The following CYP27C1 variants were observed in gnomAD, a reference collection of about 807,000 sequenced individuals.
The protein encoded by CYP27C1 is cytochrome P450 27C1.
In CYP27C1, 29 loss-of-function variants were observed where a neutral mutation model predicts 40.6. The observed-to-expected ratio is 0.71, with a 90% confidence interval of 0.53 to 0.97. CYP27C1 has a LOEUF of 0.97. Ranked by LOEUF, CYP27C1 falls within the 50% of genes least tolerant of loss-of-function variation. The pLI, the probability that CYP27C1 is intolerant of heterozygous loss-of-function variation, is 0.00. For missense variants in CYP27C1, 390 were observed against 485.8 expected (o/e 0.80, Z 1.85); for synonymous variants, 198 against 186.8 (o/e 1.06, Z -0.49).
chr2:127,204,850 C>T (rs539351383), intron 2 of CYP27C1, among the ~76,000 whole-genome samples: 1 of 152,264 alleles, frequency 6.6e-6, no homozygotes, highest in South Asian at 2.1e-4. Context: ...CAAGTGCCCA[C>T]GAGCGTCACC....
Position 127,220,034 on chromosome 2 carries a change from C to G in CYP27C1, c.237G>C (p.Ala79=), listed in dbSNP as rs1029226366. 6.6e-6 allele frequency: 1 copy of G among 151,978 alleles called. No individual in the cohort carries two copies. The highest frequency in any genetic ancestry group is 1.5e-5 in the Non-Finnish European group (1 of 67,944). The allele number at this position is 151,978 out of a possible 1,614,324, so 9.4% of individuals were successfully genotyped here. Reference sequence around the variant, plus strand: ...TGAAGCCGTCCCTGCAGAAGAACTCCGCCAGGTTGGCGAGGGTCCTCGGCC... The same window carrying G: ...TGAAGCCGTCCCTGCAGAAGAACTCGGCCAGGTTGGCGAGGGTCCTCGGCC... ...MPGPRTLANL[A]EFFCRDGFSR... Residue 79 remains alanine (A), a synonymous_variant, in exon 1 of 9, where the codon GCG becomes GCC. Transcript: ENST00000664447. This position sits in a 1 kb window ranked among gnomAD's most constrained non-coding sequence, Gnocchi z 4.6.
chr2:127,207,505 C>CAT (rs1454120099), intron 1 of CYP27C1, among the ~76,000 whole-genome samples: 6 of 151,792 alleles, frequency 4.0e-5, no homozygotes, highest in Non-Finnish European at 5.9e-5. Context: ...TCAAAAAATA[C>CAT]ATATATATAC....
At chr2:127,188,282 C>T (rs1001798195) in intron 8 of CYP27C1, among the ~76,000 whole-genome samples, 1 of 152,212 alleles carries the variant, frequency 6.6e-6, no homozygotes, top group Admixed American at 6.5e-5. Flanking sequence ...GCTGGGGCTC[C>T]AGGCTGGGAC....
intron 4 of CYP27C1, 60 bp from the exon 5 acceptor site, chr2:127,199,599 T>C: frequency 6.6e-7 from 1 of 1,512,344 alleles, no homozygotes; most frequent in Non-Finnish European, 8.9e-7. Context: ...CTTTTCAGTC[T>C]CAAAGCCCTC....
In CYP27C1 at chr2:127,195,460, C is replaced by T; in HGVS notation, c.1089G>A (p.Arg363=). 6.2e-7 allele frequency: 1 copy of T among 1,614,028 alleles called. No individual in the cohort carries two copies. Among genetic ancestry groups the T allele is most frequent in the Non-Finnish European group, 8.5e-7 (1 of 1,179,984 alleles). ...ACACCGTCTGCTGCACTTCTGGGTG[C>T]CTTGCCAGGAGGTACACAGTCCAAG... The part of the protein sequence containing the change: ...TLSWTVYLLA[R]HPEVQQTVYR... The change falls in exon 6 of 9, where the codon AGG becomes AGA. Residue 363 remains arginine (R), a synonymous_variant. Coordinates refer to ENST00000664447, the MANE Select transcript of CYP27C1 (RefSeq NM_001367502.1). This position sits in a 1 kb window ranked among gnomAD's most constrained non-coding sequence, Gnocchi z 6.2.
At position 127,200,130 on chromosome 2, in the gene CYP27C1, C is replaced by A. The variant is rs1338632324; in HGVS notation, c.884-591G>T. Among the ~76,000 whole-genome samples the A allele has an allele frequency of 6.6e-6, 1 of 152,228 alleles. No individual in the cohort carries two copies. Among genetic ancestry groups the A allele is most frequent in the Non-Finnish European group, 1.5e-5 (1 of 68,052 alleles). On this transcript the variant is annotated intron_variant, in intron 4 of 8. Transcript: ENST00000664447. The surrounding 1 kb of genome is among the most constrained non-coding windows in gnomAD (Gnocchi z 4.2). Reference sequence around the variant, plus strand: ...AAGTAGCTGGAATTACAGGCACGCGCCACCACGCCCAGCTAATTTTTGTAT... The same window carrying A: ...AAGTAGCTGGAATTACAGGCACGCGACACCACGCCCAGCTAATTTTTGTAT...
intron 3 of CYP27C1, among the ~76,000 whole-genome samples, chr2:127,202,198 C>T (rs1370694159): frequency 6.6e-6 from 1 of 150,392 alleles, no homozygotes; most frequent in African/African-American, 2.4e-5. Flanking sequence ...GGTCTTGGCT[C>T]ACTGCAACCT....
In CYP27C1 at chr2:127,209,142, A is replaced by C. The variant is rs1388825842; in HGVS notation, c.283-3052T>G. 6.6e-6 allele frequency among the ~76,000 whole-genome samples: 1 copy of C among 152,202 alleles called. No individual in the cohort carries two copies. The highest frequency in any genetic ancestry group is 1.5e-5 in the Non-Finnish European group (1 of 68,032). ...CCTTGAGGTCAGAGGTCCCAGAAGA[A>C]GGAGCAGGCACCCATCATTGCTGCA... is the stretch of plus-strand genomic sequence containing the variant. On this transcript the variant is annotated intron_variant, in intron 1 of 8. Transcript: ENST00000664447. This position sits in a 1 kb window ranked among gnomAD's most constrained non-coding sequence, Gnocchi z 4.1.
intron 5 of CYP27C1, among the ~76,000 whole-genome samples, chr2:127,197,875 C>A (rs1285564874): frequency 2.6e-5 from 4 of 151,812 alleles, no homozygotes; most frequent in Non-Finnish European, 5.9e-5. Context: ...CCCCCCGGAC[C>A]ATGCCACCCC....
chr2:127,204,534 A>AG (rs1558931256), intron 2 of CYP27C1, among the ~76,000 whole-genome samples: 1,893 of 42,872 alleles, frequency 0.044, 245 homozygotes, highest in East Asian at 0.069. Flanking sequence ...AGAAAGAAAG[A>AG]AAGAGAGAGA....
rs1332126585 is a variant in CYP27C1 at position 127,195,632 on chromosome 2, C to T, written c.1048-131G>A. The T allele has an allele frequency of 2.6e-6, 2 of 765,440 alleles. No individual in the cohort carries two copies. The highest frequency in any genetic ancestry group is 3.5e-5 in the African/African-American group (2 of 56,706). 47.4% of individuals were successfully genotyped at this position (765,440 alleles called of 1,614,324 possible). ...GTCAAACTCATCCAATTCCATATAGCACCTAATGTCTTACTAAAAACGAAA... is the reference window on the plus strand; with the variant it reads ...GTCAAACTCATCCAATTCCATATAGTACCTAATGTCTTACTAAAAACGAAA... On this transcript the variant is annotated intron_variant, in intron 5 of 8. Transcript: ENST00000664447. The surrounding 1 kb of genome is among the most constrained non-coding windows in gnomAD (Gnocchi z 6.2).
rs755582900 is a variant in CYP27C1, at chr2:127,187,308, C to A, written c.1577G>T (p.Gly526Val). The A allele has an allele frequency of 3.7e-6, 6 of 1,614,168 alleles. No homozygotes were observed. The Admixed American group carries it at 8.3e-5, about 22-fold the overall frequency. Residue 526 changes from glycine (G) to valine (V), a missense_variant, in exon 9 of 9, where the codon GGG becomes GTG. Physicochemically the swap from Gly to Val is moderately radical, Grantham distance 109. Coordinates refer to ENST00000664447, the MANE Select transcript of CYP27C1 (RefSeq NM_001367502.1). Reference protein sequence around the residue: ...HAKTHGLLTPGGPIHVRFVNR... With the variant: ...HAKTHGLLTPVGPIHVRFVNR... The stretch of plus-strand genomic sequence containing the variant: ...AACAAATCGCACGTGGATGGGCCCC[C>A]CTGGCGTCAGGAGCCCGTGGGTTTT...
At position 127,199,462 on chromosome 2, in the gene CYP27C1, G is replaced by A. The variant is rs768961332; in HGVS notation, c.961C>T (p.Leu321Phe). ...GCCTGGCTAAGGAAGAGGTATGTGA[G>A]AAGTCCCCCGCTCACCCTCCGGCCT... ...DRGRRVSGGLLTYLFLSQALT... is the reference protein window; with the variant it reads ...DRGRRVSGGLFTYLFLSQALT... The change falls in exon 5 of 9, where the codon CTC (leucine) becomes TTC (phenylalanine). Residue 321 changes from leucine to phenylalanine, a missense_variant. Coordinates refer to ENST00000664447, the MANE Select transcript of CYP27C1 (RefSeq NM_001367502.1). The A allele has an allele frequency of 6.2e-7, 1 of 1,614,222 alleles. No homozygotes were observed. Among genetic ancestry groups the A allele is most frequent in the Non-Finnish European group, 8.5e-7 (1 of 1,180,050 alleles).
rs1683485780 is a variant in CYP27C1, at chr2:127,218,473, G to A, written c.282+1516C>T. On this transcript the variant is annotated intron_variant, in intron 1 of 8. Transcript: ENST00000664447. This position sits in a 1 kb window ranked among gnomAD's most constrained non-coding sequence, Gnocchi z 6.0. ...CTCTAAGCATTGGGGTGGGGGTGGC[G>A]GTTTGGAACTGTATAGGGTTGGCGT... 6.6e-6 allele frequency among the ~76,000 whole-genome samples: 1 copy of A among 152,068 alleles called. No homozygotes were observed. Among genetic ancestry groups the A allele is most frequent in the Non-Finnish European group, 1.5e-5 (1 of 68,010 alleles).
intron 3 of CYP27C1, among the ~76,000 whole-genome samples, chr2:127,202,228 G>A (rs928043116): frequency 6.6e-6 from 1 of 151,714 alleles, no homozygotes; most frequent in South Asian, 2.1e-4. Context: ...TAGTTCAAGC[G>A]ATTCTCCTGC....
In CYP27C1 at chr2:127,201,242, G is replaced by T; in HGVS notation, c.763C>A (p.Leu255Ile). Residue 255 changes from leucine to isoleucine, a missense_variant, in exon 4 of 9, where the codon CTC (leucine) becomes ATC (isoleucine). Coordinates refer to ENST00000664447, the MANE Select transcript of CYP27C1 (RefSeq NM_001367502.1). This position sits in a 1 kb window ranked among gnomAD's most constrained non-coding sequence, Gnocchi z 6.0. ...GAGGTCTTGAACATGCTAAACATGA[G>T]CTCCAGGGCCTCGATGTATTCCACA... ...LTVEYIEALE[L>I]MFSMFKTSMY... 4 of 1,614,174 alleles carry T rather than the reference G, an allele frequency of 2.5e-6. No individual in the cohort carries two copies. Among genetic ancestry groups the T allele is most frequent in the African/African-American group, 2.7e-5 (2 of 75,050 alleles).
chr2:127,205,701 T>C, intron 2 of CYP27C1, 199 bp downstream of exon 2: 1 of 985,488 alleles, frequency 1.0e-6, no homozygotes. Context: ...ACGGGACAAC[T>C]CTGCACGGAG....
Position 127,219,650 on chromosome 2 carries a change from C to A in CYP27C1, c.282+339G>T, listed in dbSNP as rs1683509543. Among the ~76,000 whole-genome samples, 1 of 151,896 alleles carries A rather than the reference C, an allele frequency of 6.6e-6. No homozygotes were observed. Among genetic ancestry groups the A allele is most frequent in the African/African-American group, 2.4e-5 (1 of 41,382 alleles). The stretch of plus-strand genomic sequence containing the variant: ...CCTCTTCCCAGCCGTTCCTTTCTGG[C>A]CCCGTTCCTCAGCTCCCTCTGCCTG... On this transcript the variant is annotated intron_variant, in intron 1 of 8. Coordinates refer to ENST00000664447, the MANE Select transcript of CYP27C1 (RefSeq NM_001367502.1). This position sits in a 1 kb window ranked among gnomAD's most constrained non-coding sequence, Gnocchi z 8.7.
At chr2:127,212,300 C>G (rs552776940) in intron 1 of CYP27C1, among the ~76,000 whole-genome samples, 23 of 152,208 alleles carry the variant, frequency 1.5e-4, no homozygotes, top group Admixed American at 7.9e-4. Flanking sequence ...AGAAGGGACT[C>G]CCCCCTAACT....
Sources: gnomAD v4.1 joint callset for allele counts (sites outside exome capture counted in the v4.1 genomes callset) on GRCh38, gnomAD v4.1.1 for gene constraint, Gnocchi (gnomAD v3.1) non-coding constraint, MANE v1.5 for transcripts, NCBI Gene and HGNC (gene_info 2026-07-23, HGNC 2026-07-21) for gene names.